The following SLC25A21 variants were observed in gnomAD, a reference collection of about 807,000 sequenced individuals.
The protein encoded by SLC25A21 is mitochondrial 2-oxodicarboxylate carrier.
SLC25A21 carries 47 observed loss-of-function variants against 43.8 expected under a neutral mutation model. That is an observed-to-expected ratio of 1.07 (90% CI 0.85 to 1.37). SLC25A21 has a LOEUF of 1.37. Ranked by LOEUF, SLC25A21 falls within the 40% of genes most tolerant of loss-of-function variation. The pLI is 0.00. For synonymous variants in SLC25A21, 131 were observed against 121.3 expected (o/e 1.08, Z -0.52); for missense variants, 352 against 350.2 (o/e 1.00, Z -0.04).
intron 3 of SLC25A21, among the ~76,000 whole-genome samples, chr14:36,747,723 T>C (rs186978309): frequency 1.3e-5 from 2 of 152,282 alleles, no homozygotes; most frequent in African/African-American, 4.8e-5. Context: ...ATCATGGCCA[T>C]TGGTTATTAT....
intron 3 of SLC25A21, among the ~76,000 whole-genome samples, chr14:36,787,192 G>C (rs903728297): frequency 1.3e-5 from 2 of 152,148 alleles, no homozygotes; most frequent in Non-Finnish European, 2.9e-5. Context: ...CGGAGAGGAG[G>C]AAAAGAGGGA....
At position 36,952,210 on chromosome 14, in the gene SLC25A21, A is replaced by G. The variant is rs28726295; in HGVS notation, c.71-77206T>C. 7.8e-5 allele frequency: 12 copies of G among 153,726 alleles called. No homozygotes were observed. In the East Asian group the frequency reaches 2.3e-3, roughly 30 times the overall value. 9.5% of individuals were successfully genotyped at this position (153,726 alleles called of 1,614,324 possible). A position where few individuals can be genotyped will look rare whatever the true frequency, so the allele number is the denominator to read the frequency against. ...TGCGCCACTGCACTCCAGCCTGGGCAATAGAGCAAGATTCCATCTCAAAAA... is the reference window on the plus strand; with the variant it reads ...TGCGCCACTGCACTCCAGCCTGGGCGATAGAGCAAGATTCCATCTCAAAAA... On this transcript the variant is annotated intron_variant, in intron 1 of 9. Coordinates refer to ENST00000331299, the MANE Select transcript of SLC25A21 (RefSeq NM_030631.4).
At chr14:36,742,399 T>G (rs75403702) in intron 3 of SLC25A21, among the ~76,000 whole-genome samples, 6,664 of 152,270 alleles carry the variant, frequency 0.044, 476 homozygotes, top group African/African-American at 0.15. Context: ...ATTCTGGTCC[T>G]GACACTACAC....
intron 3 of SLC25A21, among the ~76,000 whole-genome samples, chr14:36,773,965 G>C (rs1002687695): frequency 4.6e-5 from 7 of 152,220 alleles, no homozygotes; most frequent in Non-Finnish European, 7.3e-5. Flanking sequence ...ATGTCCATCT[G>C]ATGGACATTT....
At chr14:37,043,940 G>GTTTTTTTT (rs59081965) in intron 1 of SLC25A21, among the ~76,000 whole-genome samples, 168 of 56,630 alleles carry the variant, frequency 3.0e-3, no homozygotes, top group Non-Finnish European at 3.8e-3. Context: ...ATGTTTTTTT[G>GTTTTTTTT]TTTTTTTTTT....
Position 36,678,895 on chromosome 14 carries a change from A to T in SLC25A21, c.*1763T>A. On this transcript the variant is annotated 3_prime_UTR_variant, in exon 10 of 10. Coordinates refer to ENST00000331299, the MANE Select transcript of SLC25A21 (RefSeq NM_030631.4). ...CTATTCAAAGAAAATTATGATTTAA[A>T]GCCACTTTTTAAAATACGAGAAGGA... The T allele has an allele frequency of 1.0e-6, 1 of 976,724 alleles. No homozygotes were observed. The highest frequency in any genetic ancestry group is 1.2e-6 in the Non-Finnish European group (1 of 821,188). 60.5% of individuals were successfully genotyped at this position (976,724 alleles called of 1,614,324 possible).
chr14:36,929,585 G>C (rs1489635558), intron 1 of SLC25A21, among the ~76,000 whole-genome samples: 2 of 152,086 alleles, frequency 1.3e-5, no homozygotes, highest in Non-Finnish European at 2.9e-5. Context: ...CGCATGGTTC[G>C]AAGTAGCAGG....
At chr14:36,852,779 A>G (rs1889782102) in intron 2 of SLC25A21, among the ~76,000 whole-genome samples, 1 of 152,148 alleles carries the variant, frequency 6.6e-6, no homozygotes, top group African/African-American at 2.4e-5. Flanking sequence ...TGTTACTCTA[A>G]TAGTTCCAAG....
intron 1 of SLC25A21, among the ~76,000 whole-genome samples, chr14:37,131,573 G>C (rs1460805235): frequency 6.6e-6 from 1 of 152,122 alleles, no homozygotes; most frequent in Non-Finnish European, 1.5e-5. Flanking sequence ...CAAGTAACAA[G>C]TATAAAATAA....
At chr14:37,040,929 T>C (rs1961458262) in intron 1 of SLC25A21, among the ~76,000 whole-genome samples, 1 of 151,836 alleles carries the variant, frequency 6.6e-6, no homozygotes, top group South Asian at 2.1e-4. Flanking sequence ...AGATGATAAA[T>C]TCATTCTAAT....
At chr14:37,166,288 T>G (rs1378763896) in intron 1 of SLC25A21, among the ~76,000 whole-genome samples, 1 of 152,246 alleles carries the variant, frequency 6.6e-6, no homozygotes, top group Admixed American at 6.5e-5. Flanking sequence ...AATGTTTGCC[T>G]AGATAGATGA....
At chr14:37,037,062 T>G (rs1022688304) in intron 1 of SLC25A21, among the ~76,000 whole-genome samples, 11 of 152,186 alleles carry the variant, frequency 7.2e-5, no homozygotes, top group African/African-American at 2.7e-4. Flanking sequence ...CATGCATCAT[T>G]GACAGGTTGG....
chr14:36,928,565 C>G (rs1892196049), intron 1 of SLC25A21, among the ~76,000 whole-genome samples: 1 of 152,118 alleles, frequency 6.6e-6, no homozygotes, highest in South Asian at 2.1e-4. Context: ...ACAATGCATG[C>G]ACACTTAGGT....
intron 1 of SLC25A21, among the ~76,000 whole-genome samples, chr14:37,170,721 G>A (rs551305568): frequency 2.6e-5 from 4 of 151,602 alleles, no homozygotes; most frequent in East Asian, 3.9e-4. Flanking sequence ...GAACCCAGGC[G>A]TTGGAGACCA....
intron 2 of SLC25A21, among the ~76,000 whole-genome samples, chr14:36,856,106 A>C (rs1889889788): frequency 1.3e-5 from 2 of 152,080 alleles, no homozygotes; most frequent in Non-Finnish European, 2.9e-5. Flanking sequence ...TTTTAGGAGG[A>C]TCTCCATTAC....
At chr14:37,109,316 A>G (rs1160398898) in intron 1 of SLC25A21, among the ~76,000 whole-genome samples, 1 of 152,060 alleles carries the variant, frequency 6.6e-6, no homozygotes, top group East Asian at 1.9e-4. Flanking sequence ...ACCCTGCTTC[A>G]TTTAAGCAAT....
intron 1 of SLC25A21, among the ~76,000 whole-genome samples, chr14:37,027,304 T>A (rs1961114162): frequency 6.6e-6 from 1 of 152,182 alleles, no homozygotes; most frequent in South Asian, 2.1e-4. Context: ...TTCCTATCTG[T>A]GTCTCTGATA....
chr14:36,767,279 C>T (rs891060917), intron 3 of SLC25A21, among the ~76,000 whole-genome samples: 1 of 152,194 alleles, frequency 6.6e-6, no homozygotes, highest in African/African-American at 2.4e-5. Flanking sequence ...AGAAATGCTA[C>T]CACACTGTAT....
chr14:37,009,983 G>C (rs937902233), intron 1 of SLC25A21, among the ~76,000 whole-genome samples: 3 of 152,290 alleles, frequency 2.0e-5, no homozygotes, highest in Admixed American at 2.0e-4. Context: ...GCAAGTGTGT[G>C]AACAGAATGG....
Sources: allele counts gnomAD v4.1 joint callset (sites outside exome capture counted in the v4.1 genomes callset), GRCh38; gene constraint gnomAD v4.1.1; transcripts MANE v1.5; gene names NCBI Gene and HGNC (gene_info 2026-07-23, HGNC 2026-07-21).